Variants in SYN3 observed in about 807,000 individuals in gnomAD.
SYN3 encodes synapsin III.
In SYN3, 35 loss-of-function variants were observed where a neutral mutation model predicts 65.8. The ratio of observed to expected loss-of-function variants is 0.53; its 90% CI spans 0.41 to 0.70. SYN3 has a LOEUF of 0.70. Ranked by LOEUF, SYN3 falls within the 30% of genes least tolerant of loss-of-function variation. The pLI is 0.00. For missense variants in SYN3, 680 were observed against 749.0 expected (o/e 0.91, Z 1.08); for synonymous variants, 270 against 292.9 (o/e 0.92, Z 0.80).
intron 1 of SYN3, among the ~76,000 whole-genome samples, chr22:33,054,941 T>C (rs1037233542): frequency 6.6e-5 from 10 of 152,246 alleles, no homozygotes; most frequent in African/African-American, 2.4e-4. Context: ...CTGTCCATTT[T>C]GCTTCCTAAA....
At chr22:32,595,330 C>T (rs2059183760) in intron 7 of SYN3, among the ~76,000 whole-genome samples, 1 of 152,046 alleles carries the variant, frequency 6.6e-6, no homozygotes, top group Admixed American at 6.6e-5. Flanking sequence ...ATGAACAGAG[C>T]CAAGAGATAA....
chr22:32,688,672 G>A (rs1409308940), intron 6 of SYN3, among the ~76,000 whole-genome samples: 1 of 150,862 alleles, frequency 6.6e-6, no homozygotes, highest in Non-Finnish European at 1.5e-5. Flanking sequence ...TTTTTCACCT[G>A]CTCCTCAGGC....
intron 4 of SYN3, among the ~76,000 whole-genome samples, chr22:32,925,534 C>T (rs996346728): frequency 1.3e-5 from 2 of 152,150 alleles, no homozygotes; most frequent in Non-Finnish European, 2.9e-5. Flanking sequence ...GTTGTAAATT[C>T]AGGAAGAATA....
chr22:33,038,778 TAA>T (rs1241781072), intron 1 of SYN3, among the ~76,000 whole-genome samples: 1 of 46,672 alleles, frequency 2.1e-5, no homozygotes, highest in African/African-American at 1.2e-4. Flanking sequence ...TTGGAAATCT[TAA>T]GAGTCAGATT....
chr22:32,814,197 GAAAGAAAGA>G (rs2146011223), intron 6 of SYN3, among the ~76,000 whole-genome samples: 1 of 110,626 alleles, frequency 9.0e-6, no homozygotes, highest in African/African-American at 3.4e-5. Flanking sequence ...AAGAAAGAAA[GAAAGAAAGA>G]AAACAAAGAA....
intron 6 of SYN3, among the ~76,000 whole-genome samples, chr22:32,683,210 G>C (rs896983901): frequency 1.1e-4 from 17 of 152,150 alleles, no homozygotes; most frequent in Non-Finnish European, 1.5e-5. Context: ...CAATGGTGTG[G>C]TCCTGCTCTT....
intron 6 of SYN3, among the ~76,000 whole-genome samples, chr22:32,819,769 C>T (rs1481449839): frequency 6.6e-6 from 1 of 152,190 alleles, no homozygotes; most frequent in Non-Finnish European, 1.5e-5. Context: ...TCTGAAACAG[C>T]AAACTTGCTG....
chr22:32,643,862 C>A (rs986032048), intron 6 of SYN3, among the ~76,000 whole-genome samples: 1 of 151,294 alleles, frequency 6.6e-6, no homozygotes, highest in Non-Finnish European at 1.5e-5. Flanking sequence ...GAGGCCGAGG[C>A]GGGTGGATCA....
intron 2 of SYN3, among the ~76,000 whole-genome samples, chr22:32,983,278 CAT>C (rs2052423539): frequency 6.6e-6 from 1 of 152,192 alleles, no homozygotes; most frequent in Non-Finnish European, 1.5e-5. Flanking sequence ...GATGCAGCCA[CAT>C]GATTTATTTC....
At chr22:32,907,316 A>G in intron 4 of SYN3, among the ~76,000 whole-genome samples, 1 of 152,218 alleles carries the variant, frequency 6.6e-6, no homozygotes, top group South Asian at 2.1e-4. Flanking sequence ...GCCACACAGT[A>G]AGTGGCTGGG....
chr22:32,835,249 T>C (rs991786571), intron 6 of SYN3, among the ~76,000 whole-genome samples: 1 of 152,212 alleles, frequency 6.6e-6, no homozygotes. Flanking sequence ...ATGTCTTATT[T>C]CACCCACTGA....
At chr22:32,910,634 G>C (rs1017800989) in intron 4 of SYN3, among the ~76,000 whole-genome samples, 1 of 140,188 alleles carries the variant, frequency 7.1e-6, no homozygotes, top group African/African-American at 2.7e-5. Flanking sequence ...CGAGTTATTC[G>C]GTTGGTGCAA....
intron 7 of SYN3, among the ~76,000 whole-genome samples, chr22:32,564,311 C>A (rs1256509538): frequency 2.6e-5 from 4 of 152,188 alleles, no homozygotes; most frequent in Non-Finnish European, 4.4e-5. Flanking sequence ...GGTTGAGTCA[C>A]TTCTTCCAGG....
chr22:32,861,097 G>A (rs1288259656), intron 6 of SYN3: 1 of 151,766 alleles, frequency 6.6e-6, no homozygotes, highest in Non-Finnish European at 1.5e-5. Context: ...TCAGCTTATG[G>A]GTATTTATCT....
intron 6 of SYN3, among the ~76,000 whole-genome samples, chr22:32,641,785 T>C (rs2059904840): frequency 6.6e-6 from 1 of 151,972 alleles, no homozygotes; most frequent in Non-Finnish European, 1.5e-5. Context: ...AATACTACAC[T>C]TAAAGTGGGT....
At chr22:33,016,098 G>A (rs905790715) in intron 1 of SYN3, among the ~76,000 whole-genome samples, 9 of 151,840 alleles carry the variant, frequency 5.9e-5, no homozygotes, top group Admixed American at 3.3e-4. Context: ...CACTCGCCTC[G>A]GCCTCCCAAA....
At chr22:32,553,214 A>G (rs1285319735) in intron 7 of SYN3, among the ~76,000 whole-genome samples, 1 of 152,170 alleles carries the variant, frequency 6.6e-6, no homozygotes, top group East Asian at 1.9e-4. Context: ...TTTACCGGGG[A>G]CACAATTCAG....
At chr22:32,761,370 T>C (rs1045148649) in intron 6 of SYN3, among the ~76,000 whole-genome samples, 4 of 152,132 alleles carry the variant, frequency 2.6e-5, no homozygotes, top group Non-Finnish European at 4.4e-5. Flanking sequence ...ATAGAAGCCA[T>C]GCGCGTGAGT....
intron 6 of SYN3, among the ~76,000 whole-genome samples, chr22:32,687,695 A>G (rs917127666): frequency 3.3e-5 from 5 of 151,848 alleles, no homozygotes; most frequent in Admixed American, 6.6e-5. Context: ...TCTCCCCCTT[A>G]CTATAGTCTT....
Sources: gnomAD v4.1 joint callset for allele counts (sites outside exome capture counted in the v4.1 genomes callset) on GRCh38, gnomAD v4.1.1 for gene constraint, MANE v1.5 for transcripts, NCBI Gene and HGNC (gene_info 2026-07-23, HGNC 2026-07-21) for gene names.